The following PTER variants were observed in gnomAD, a reference collection of about 807,000 sequenced individuals.
The protein encoded by PTER is N-acetyltaurine hydrolase.
A neutral mutation model predicts 29.6 loss-of-function variants in PTER; 38 were observed. The ratio of observed to expected loss-of-function variants is 1.28; its 90% CI spans 0.99 to 1.68. The LOEUF (loss-of-function observed/expected upper bound fraction) is 1.68. Ranked by LOEUF, PTER falls within the 40% of genes most tolerant of loss-of-function variation. The pLI is 0.00. For synonymous variants in PTER, 172 were observed against 154.5 expected (o/e 1.11, Z -0.84); for missense variants, 482 against 427.8 (o/e 1.13, Z -1.12).
chr10:16,460,110 G>A (rs1429700020), intron 1 of PTER, among the ~76,000 whole-genome samples: 1 of 152,146 alleles, frequency 6.6e-6, no homozygotes, highest in Admixed American at 6.5e-5. Context: ...TAAATTACTA[G>A]AGTCTTATTT....
At chr10:16,440,102 A>G (rs941582848) in intron 1 of PTER, among the ~76,000 whole-genome samples, 4 of 129,826 alleles carry the variant, frequency 3.1e-5, no homozygotes, top group African/African-American at 1.2e-4. Context: ...GTCTCACTCT[A>G]TTGCCCAGAC....
downstream of PTER, chr10:16,514,482 G>A (rs766644029): frequency 5.9e-6 from 9 of 1,536,054 alleles, no homozygotes; most frequent in South Asian, 7.1e-5. Context: ...TTAGCCATAC[G>A]AATCCAGTGT....
At chr10:16,492,396 A>G (rs990969141) in intron 3 of PTER, among the ~76,000 whole-genome samples, 3 of 152,068 alleles carry the variant, frequency 2.0e-5, no homozygotes, top group Non-Finnish European at 4.4e-5. Flanking sequence ...AACTCTACCC[A>G]CGTGTCCAGG....
chr10:16,500,866 A>G (rs943179680), intron 3 of PTER, among the ~76,000 whole-genome samples: 1 of 151,596 alleles, frequency 6.6e-6, no homozygotes, highest in Non-Finnish European at 1.5e-5. Flanking sequence ...TCAGCCTTTC[A>G]AGTAGCTGGG....
At chr10:16,441,870 T>C (rs1263567384) in intron 1 of PTER, among the ~76,000 whole-genome samples, 1 of 152,142 alleles carries the variant, frequency 6.6e-6, no homozygotes, top group African/African-American at 2.4e-5. Flanking sequence ...CTCCACTGAA[T>C]TCACTTACAT....
intron 3 of PTER, among the ~76,000 whole-genome samples, chr10:16,500,012 A>G (rs994678595): frequency 1.6e-4 from 24 of 151,656 alleles, no homozygotes; most frequent in African/African-American, 5.8e-4. Context: ...CTGGGATTAC[A>G]GGCATGAGCC....
chr10:16,462,946 C>T (rs1280908716), intron 1 of PTER, among the ~76,000 whole-genome samples: 1 of 151,362 alleles, frequency 6.6e-6, no homozygotes, highest in Non-Finnish European at 1.5e-5. Context: ...GTAACCCCAG[C>T]ACTTTGGGAG....
intron 3 of PTER, among the ~76,000 whole-genome samples, chr10:16,495,450 G>T (rs143791268): frequency 6.6e-6 from 1 of 152,170 alleles, no homozygotes; most frequent in African/African-American, 2.4e-5. Flanking sequence ...GAGTATAGGC[G>T]TGAGCCACCA....
intron 1 of PTER, among the ~76,000 whole-genome samples, chr10:16,471,957 C>CA (rs752546978): frequency 2.6e-4 from 40 of 152,288 alleles, no homozygotes; most frequent in Admixed American, 3.9e-4. Flanking sequence ...GGCAAATTTG[C>CA]ACTTTTGCCA....
chr10:16,477,904 A>G (rs1227537470), intron 1 of PTER, among the ~76,000 whole-genome samples: 1 of 152,250 alleles, frequency 6.6e-6, no homozygotes, highest in African/African-American at 2.4e-5. Context: ...GCTGGCTCAA[A>G]GTATCACTGT....
At position 16,512,409 on chromosome 10, in the gene PTER, C is replaced by T. The variant is rs963356429; in HGVS notation, c.*1153C>T. On this transcript the variant is annotated 3_prime_UTR_variant, in exon 5 of 5. Transcript: ENST00000535784. The stretch of plus-strand genomic sequence containing the variant: ...CTCTTTGATAAATATATAGTTAATT[C>T]GAAATAAAATCCATTGCAATTCATT... The T allele has an allele frequency of 1.3e-5, 2 of 152,160 alleles. No homozygotes were observed. Among genetic ancestry groups the T allele is most frequent in the East Asian group, 1.9e-4 (1 of 5,180 alleles). The allele number at this position is 152,160 out of a possible 1,614,324, so 9.4% of individuals were successfully genotyped here.
intron 1 of PTER, among the ~76,000 whole-genome samples, chr10:16,482,894 G>C (rs1003572902): frequency 1.3e-5 from 2 of 151,948 alleles, no homozygotes; most frequent in Non-Finnish European, 2.9e-5. Flanking sequence ...CAATTCTTCT[G>C]CCTCAGCCTC....
chr10:16,502,827 A>G (rs2133497580), intron 3 of PTER, among the ~76,000 whole-genome samples: 1 of 151,950 alleles, frequency 6.6e-6, no homozygotes, highest in South Asian at 2.1e-4. Context: ...CGTCTTTACT[A>G]AAAATACAAC....
rs1241137309 is a variant in PTER at position 16,513,506 on chromosome 10, A to T, written c.*2250A>T. 1.3e-5 allele frequency: 2 copies of T among 152,528 alleles called. No individual in the cohort carries two copies. The highest frequency in any genetic ancestry group is 4.8e-5 in the African/African-American group (2 of 41,440). 9.4% of individuals were successfully genotyped at this position (152,528 alleles called of 1,614,324 possible). A position where few individuals can be genotyped will look rare whatever the true frequency, so the allele number is the denominator to read the frequency against. Reference sequence around the variant, plus strand: ...CATGTTTAGCAGATATTTGTATAAAATATAAACACTCTGTTGTCATATAGG... The same window carrying T: ...CATGTTTAGCAGATATTTGTATAAATTATAAACACTCTGTTGTCATATAGG... On this transcript the variant is annotated 3_prime_UTR_variant, in exon 5 of 5. Coordinates refer to ENST00000535784, the MANE Select transcript of PTER (RefSeq NM_001261836.2).
At chr10:16,494,671 T>G (rs1460992270) in intron 3 of PTER, among the ~76,000 whole-genome samples, 1 of 152,222 alleles carries the variant, frequency 6.6e-6, no homozygotes, top group Admixed American at 6.5e-5. Context: ...ACTAAAATTC[T>G]TGGCAAATTA....
chr10:16,482,176 A>G (rs7081010), intron 1 of PTER, among the ~76,000 whole-genome samples: 25,147 of 152,126 alleles, frequency 0.17, 2,681 homozygotes, highest in East Asian at 0.31. Context: ...GTCTAAATCC[A>G]TCATTTATGC....
downstream of PTER, among the ~76,000 whole-genome samples, chr10:16,515,234 A>AG (rs200381787): frequency 0.014 from 2,166 of 151,714 alleles, 48 homozygotes; most frequent in African/African-American, 0.049. Flanking sequence ...GAAAAAAAAA[A>AG]AAAAGAAAAA....
chr10:16,510,564 A>C (rs1043433042), intron 4 of PTER, among the ~76,000 whole-genome samples: 4 of 152,214 alleles, frequency 2.6e-5, no homozygotes, highest in African/African-American at 9.7e-5. Context: ...TTTTACTTGT[A>C]GTGAGATTCC....
chr10:16,486,290 G>A, intron 2 of PTER, 62 bp from the exon 3 acceptor site: 1 of 1,411,144 alleles, frequency 7.1e-7, no homozygotes, highest in East Asian at 2.3e-5. Flanking sequence ...CACATACTGT[G>A]GTGGATCTAT....
Sources: allele counts gnomAD v4.1 joint callset (sites outside exome capture counted in the v4.1 genomes callset), GRCh38; gene constraint gnomAD v4.1.1; transcripts MANE v1.5; gene names NCBI Gene and HGNC (gene_info 2026-07-23, HGNC 2026-07-21).